GAB1: variants seen among roughly 807,000 people sequenced by gnomAD.
GAB1 encodes GRB2-associated-binding protein 1.
A neutral mutation model predicts 66.5 loss-of-function variants in GAB1; 19 were observed. The ratio of observed to expected loss-of-function variants is 0.29; its 90% CI spans 0.20 to 0.42. GAB1 has a LOEUF of 0.42. Among genes scored for constraint, GAB1 ranks in the 10% least tolerant of loss-of-function variants. GAB1 has a pLI of 1.00. For synonymous variants in GAB1, 294 were observed against 301.4 expected (o/e 0.98, Z 0.25); for missense variants, 732 against 858.5 (o/e 0.85, Z 1.84).
intron 1 of GAB1, among the ~76,000 whole-genome samples, chr4:143,352,534 G>GT (rs1259052912): frequency 1.3e-5 from 2 of 152,222 alleles, no homozygotes; most frequent in Non-Finnish European, 2.9e-5. Context: ...GTCTAGAGCA[G>GT]TCAGTGGTCC....
intron 6 of GAB1, among the ~76,000 whole-genome samples, chr4:143,450,028 G>C (rs1006432686): frequency 1.3e-5 from 2 of 152,080 alleles, no homozygotes; most frequent in Non-Finnish European, 2.9e-5. Context: ...CATGAAACTA[G>C]ATTTTGATAA....
chr4:143,427,257 A>G (rs527869335), intron 2 of GAB1, among the ~76,000 whole-genome samples: 167 of 152,198 alleles, frequency 1.1e-3, no homozygotes, highest in Non-Finnish European at 2.1e-3. Context: ...ATGAAGACCA[A>G]TCTTAACTTT....
intron 3 of GAB1, chr4:143,433,962 G>T (rs1475267448): frequency 1.6e-5 from 10 of 634,434 alleles, no homozygotes; most frequent in Non-Finnish European, 2.6e-5. Flanking sequence ...TCCCTACAAG[G>T]CTCTTTTGGA....
intron 2 of GAB1, chr4:143,426,015 A>G: frequency 3.2e-6 from 2 of 622,556 alleles, no homozygotes; most frequent in Non-Finnish European, 2.8e-6. Flanking sequence ...ACAAAAAAAG[A>G]AAAAATTAAC....
Position 143,469,832 on chromosome 4 carries a change from T to C in GAB1, c.*643T>C, listed in dbSNP as rs1735994789. 6.5e-6 allele frequency: 1 copy of C among 152,756 alleles called. No homozygotes were observed. The highest frequency in any genetic ancestry group is 1.5e-5 in the Non-Finnish European group (1 of 68,102). The allele number at this position is 152,756 out of a possible 1,614,324, so 9.5% of individuals were successfully genotyped here. A position where few individuals can be genotyped will look rare whatever the true frequency, so the allele number is the denominator to read the frequency against. On this transcript the variant is annotated 3_prime_UTR_variant, in exon 10 of 10. Coordinates refer to ENST00000262994, the MANE Select transcript of GAB1 (RefSeq NM_002039.4). ...TATATTTTGTTAATTACAGTGTTTT[T>C]GGTTCATTGAGTGAAGATTCTGCCG...
intron 6 of GAB1, among the ~76,000 whole-genome samples, chr4:143,450,587 C>G (rs1158961468): frequency 6.6e-6 from 1 of 151,982 alleles, no homozygotes; most frequent in Non-Finnish European, 1.5e-5. Context: ...TCCCTTTTTC[C>G]ATTTAAATGA....
intron 4 of GAB1, 67 bp from the exon 5 acceptor site, chr4:143,439,735 T>C: frequency 9.5e-7 from 1 of 1,049,796 alleles, no homozygotes; most frequent in Non-Finnish European, 1.5e-6. Context: ...AGATAATAGG[T>C]CATCCCAATG....
intron 1 of GAB1, among the ~76,000 whole-genome samples, chr4:143,351,092 G>A (rs1729193813): frequency 6.6e-6 from 1 of 152,214 alleles, no homozygotes; most frequent in Non-Finnish European, 1.5e-5. Flanking sequence ...GCCCCAGCGG[G>A]CGTGTGTTAC....
At chr4:143,374,421 G>T (rs1730324174) in intron 1 of GAB1, among the ~76,000 whole-genome samples, 1 of 152,138 alleles carries the variant, frequency 6.6e-6, no homozygotes, top group African/African-American at 2.4e-5. Context: ...GCAGAGAAAA[G>T]GCTAAATCCC....
At chr4:143,426,256 C>T (rs1208666504) in intron 2 of GAB1, among the ~76,000 whole-genome samples, 2 of 152,120 alleles carry the variant, frequency 1.3e-5, no homozygotes, top group East Asian at 3.9e-4. Flanking sequence ...TGGAAGTGCC[C>T]CTTGCCTTAA....
At chr4:143,346,928 G>A (rs150008917) in intron 1 of GAB1, among the ~76,000 whole-genome samples, 44 of 152,226 alleles carry the variant, frequency 2.9e-4, no homozygotes, top group African/African-American at 9.9e-4. Flanking sequence ...GCTGTTGAAC[G>A]GTATTATTTT....
intron 1 of GAB1, among the ~76,000 whole-genome samples, chr4:143,372,175 A>T (rs978518630): frequency 1.0e-4 from 14 of 140,098 alleles, no homozygotes; most frequent in African/African-American, 4.2e-4. Context: ...AAAAAAAAAG[A>T]TGTATCTTGT....
intron 1 of GAB1, among the ~76,000 whole-genome samples, chr4:143,345,063 G>A (rs1202199992): frequency 6.6e-6 from 1 of 152,160 alleles, no homozygotes; most frequent in Non-Finnish European, 1.5e-5. Flanking sequence ...GTTGTTTTTA[G>A]CAGAGCTACT....
rs1736188373 is a variant in GAB1, at chr4:143,474,400, T to C, written c.*5211T>C. On this transcript the variant is annotated 3_prime_UTR_variant, in exon 10 of 10. Coordinates refer to ENST00000262994, the MANE Select transcript of GAB1 (RefSeq NM_002039.4). ...ATTAAAATAATACCCAAAACCCACTTTATCAGATATGGTATTGTGATGGTT... is the reference window on the plus strand; with the variant it reads ...ATTAAAATAATACCCAAAACCCACTCTATCAGATATGGTATTGTGATGGTT... The C allele has an allele frequency of 1.3e-5, 2 of 152,178 alleles. No homozygotes were observed. The highest frequency in any genetic ancestry group is 2.9e-5 in the Non-Finnish European group (2 of 68,034). The allele number at this position is 152,178 out of a possible 1,614,324, so 9.4% of individuals were successfully genotyped here.
In GAB1 at chr4:143,472,390, A is replaced by G. The variant is rs921509444; in HGVS notation, c.*3201A>G. 6.6e-6 allele frequency: 1 copy of G among 152,170 alleles called. No individual in the cohort carries two copies. The highest frequency in any genetic ancestry group is 2.4e-5 in the African/African-American group (1 of 41,456). The allele number at this position is 152,170 out of a possible 1,614,324, so 9.4% of individuals were successfully genotyped here. A position where few individuals can be genotyped will look rare whatever the true frequency, so the allele number is the denominator to read the frequency against. ...CTGCTGGACTCTTTTATATTTAATT[A>G]ATGGGGATTATAGTCTTCCTTCATA... On this transcript the variant is annotated 3_prime_UTR_variant, in exon 10 of 10. Transcript: ENST00000262994.
chr4:143,392,924 C>G (rs925847320), intron 1 of GAB1, among the ~76,000 whole-genome samples: 8 of 152,062 alleles, frequency 5.3e-5, no homozygotes, highest in Non-Finnish European at 7.4e-5. Flanking sequence ...GAGATTTTTA[C>G]TTTCTATTAG....
At chr4:143,356,838 A>G (rs768951591) in intron 1 of GAB1, among the ~76,000 whole-genome samples, 4 of 152,170 alleles carry the variant, frequency 2.6e-5, no homozygotes, top group African/African-American at 4.8e-5. Context: ...TTGAGCTTGT[A>G]AACTTTTTAC....
chr4:143,377,498 C>T (rs754603288), intron 1 of GAB1, among the ~76,000 whole-genome samples: 20 of 152,168 alleles, frequency 1.3e-4, no homozygotes, highest in Non-Finnish European at 2.6e-4. Flanking sequence ...GGCAGGGAGA[C>T]GTTTTTCTCA....
Position 143,433,693 on chromosome 4 carries a change from A to G in GAB1, c.570A>G (p.Gln190=), listed in dbSNP as rs1733794816. Residue 190 remains glutamine (Q), a synonymous_variant, in exon 3 of 10, where the codon CAA becomes CAG. Transcript: ENST00000262994. The part of the protein sequence containing the change: ...PQDYLLLINC[Q]SKKPEPTRTH... ...ACTACCTGTTGCTCATCAACTGTCA[A>G]AGCAAGAAGCCCGAACCCACCAGGT... 2.5e-6 allele frequency: 4 copies of G among 1,613,842 alleles called. No individual in the cohort carries two copies. The South Asian group carries it at 4.4e-5, about 18-fold the overall frequency.
Sources: allele counts gnomAD v4.1 joint callset (sites outside exome capture counted in the v4.1 genomes callset), GRCh38; gene constraint gnomAD v4.1.1; transcripts MANE v1.5; gene names NCBI Gene and HGNC (gene_info 2026-07-23, HGNC 2026-07-21).